The following KLC2 variants were observed in gnomAD, a reference collection of about 807,000 sequenced individuals.
KLC2 encodes kinesin light chain 2, also known as KLC 2.
A neutral mutation model predicts 75.1 loss-of-function variants in KLC2; 35 were observed. That is an observed-to-expected ratio of 0.47 (90% CI 0.36 to 0.62). KLC2 has a LOEUF of 0.62. Among genes scored for constraint, KLC2 ranks in the 20% least tolerant of loss-of-function variants. The pLI, the probability that KLC2 is intolerant of heterozygous loss-of-function variation, is 0.00. For missense variants in KLC2, 611 were observed against 833.2 expected (o/e 0.73, Z 3.28); for synonymous variants, 314 against 336.7 (o/e 0.93, Z 0.74).
the KLC2 span, among the ~76,000 whole-genome samples, chr11:66,251,138 T>C: frequency 1.3e-5 from 2 of 152,206 alleles, no homozygotes; most frequent in Admixed American, 6.5e-5. Context: ...TAGAGGGAAA[T>C]AGATAAATCT....
chr11:66,262,793 C>G (rs1856527393), intron 4 of KLC2, 21 bp from the exon 5 acceptor site: 2 of 1,582,300 alleles, frequency 1.3e-6, no homozygotes, highest in Admixed American at 1.7e-5. Context: ...TACATCTGAC[C>G]TCCTGCCCTT....
the KLC2 span, among the ~76,000 whole-genome samples, chr11:66,246,828 C>A: frequency 6.6e-6 from 1 of 152,184 alleles, no homozygotes; most frequent in Non-Finnish European, 1.5e-5. Context: ...AAATAATCAC[C>A]CGCTTGAGTC....
chr11:66,267,423 A>G lies in KLC2; in HGVS notation c.*467A>G, dbSNP rs1231540440. Reference sequence around the variant, plus strand: ...CTCCCCTCGTCCCTCTTCTAGTGGTACCGCCCAGGCCTTAATCACCCCCAT... The same window carrying G: ...CTCCCCTCGTCCCTCTTCTAGTGGTGCCGCCCAGGCCTTAATCACCCCCAT... On this transcript the variant is annotated 3_prime_UTR_variant, in exon 16 of 16. Coordinates refer to ENST00000394067, the MANE Select transcript of KLC2 (RefSeq NM_001318734.2). 1 of 717,176 alleles carries G rather than the reference A, an allele frequency of 1.4e-6. No homozygotes were observed. Among genetic ancestry groups the G allele is most frequent in the Admixed American group, 2.0e-5 (1 of 49,992 alleles). The allele number at this position is 717,176 out of a possible 1,614,324, so 44.4% of individuals were successfully genotyped here.
chr11:66,267,605 C>T lies in KLC2; in HGVS notation c.*649C>T, dbSNP rs971801800. Reference sequence around the variant, plus strand: ...GACGGGGACCTCCCCTTAGTCCGTCCTCCCACCGCCGGGCCCTGCCCCGCA... The same window carrying T: ...GACGGGGACCTCCCCTTAGTCCGTCTTCCCACCGCCGGGCCCTGCCCCGCA... On this transcript the variant is annotated 3_prime_UTR_variant, in exon 16 of 16. Transcript: ENST00000394067. The T allele has an allele frequency of 3.3e-6, 2 of 602,922 alleles. No individual in the cohort carries two copies. The highest frequency in any genetic ancestry group is 5.9e-6 in the Non-Finnish European group (2 of 336,164). The allele number at this position is 602,922 out of a possible 1,614,324, so 37.3% of individuals were successfully genotyped here. A position where few individuals can be genotyped will look rare whatever the true frequency, so the allele number is the denominator to read the frequency against.
chr11:66,248,258 T>TA, the KLC2 span, among the ~76,000 whole-genome samples: 1 of 152,206 alleles, frequency 6.6e-6, no homozygotes, highest in Admixed American at 6.5e-5. Flanking sequence ...CCCTTACTGT[T>TA]AACATGTTAC....
chr11:66,254,186 C>T (rs1284681449), upstream of KLC2, among the ~76,000 whole-genome samples: 8 of 152,108 alleles, frequency 5.3e-5, no homozygotes, highest in Admixed American at 1.3e-4. Flanking sequence ...TGCACCACTG[C>T]GCTCCTGCCT....
At chr11:66,249,818 C>T in the KLC2 span, among the ~76,000 whole-genome samples, 5 of 152,250 alleles carry the variant, frequency 3.3e-5, no homozygotes, top group East Asian at 9.7e-4. Context: ...CAGCCAGAAA[C>T]CCGGACTCAT....
At position 66,264,557 on chromosome 11, in the gene KLC2, G is replaced by T; in HGVS notation, c.1216+113G>T. ...AGGCCCTCAGGCTTTGGCCTGGCTG[G>T]TCACCAGCCTCACCCTCAGATGGTG... On this transcript the variant is annotated intron_variant, in intron 9 of 15. Coordinates refer to ENST00000394067, the MANE Select transcript of KLC2 (RefSeq NM_001318734.2). 3.8e-6 allele frequency: 3 copies of T among 792,790 alleles called. No homozygotes were observed. In the South Asian group the frequency reaches 4.6e-5, roughly 12 times the overall value. The allele number at this position is 792,790 out of a possible 1,614,324, so 49.1% of individuals were successfully genotyped here. A position where few individuals can be genotyped will look rare whatever the true frequency, so the allele number is the denominator to read the frequency against.
chr11:66,255,224 C>T (rs945414868), upstream of KLC2, among the ~76,000 whole-genome samples: 4 of 152,192 alleles, frequency 2.6e-5, no homozygotes, highest in Non-Finnish European at 5.9e-5. Context: ...CTGGCTTTGC[C>T]GCCCAGGCTG....
intron 14 of KLC2, 71 bp downstream of exon 14, chr11:66,266,288 G>A: frequency 6.5e-7 from 1 of 1,537,112 alleles, no homozygotes; most frequent in East Asian, 2.3e-5. Flanking sequence ...CCCAGAGTGT[G>A]CCCCACTGAC....
chr11:66,244,593 C>G, the KLC2 span: 4 of 152,368 alleles, frequency 2.6e-5, no homozygotes. Context: ...TTTTCTCATT[C>G]TCCATACCTC....
At chr11:66,262,703 T>G in intron 4 of KLC2, 111 bp from the exon 5 acceptor site, 1 of 740,792 alleles carries the variant, frequency 1.3e-6, no homozygotes, top group Non-Finnish European at 2.3e-6. Context: ...AAAGAGTGGT[T>G]AGTGACTTGC....
At position 66,263,910 on chromosome 11, in the gene KLC2, G is replaced by A. The variant is rs1470220119; in HGVS notation, c.900G>A (p.Glu300=). ...VLYGKRGKYK[E]AEPLCKRALE... is the part of the protein sequence containing the mutation. ...ATGGCAAGAGGGGCAAGTACAAGGA[G>A]GCTGAGCCATTGTGCAAGCGGGCAC... The change falls in exon 7 of 16, where the codon GAG becomes GAA. Residue 300 remains glutamate (E), a synonymous_variant. Coordinates refer to ENST00000394067, the MANE Select transcript of KLC2 (RefSeq NM_001318734.2). The A allele has an allele frequency of 6.2e-7, 1 of 1,614,104 alleles. No homozygotes were observed. The highest frequency in any genetic ancestry group is 1.7e-5 in the Admixed American group (1 of 60,008).
At chr11:66,259,223 GC>G in intron 2 of KLC2, among the ~76,000 whole-genome samples, 1 of 152,354 alleles carries the variant, frequency 6.6e-6, no homozygotes. Context: ...CAAGATTCCT[GC>G]CCTATTAGAG....
At chr11:66,265,278 G>A (rs761746743) in intron 11 of KLC2, 43 bp downstream of exon 11, 20 of 1,554,366 alleles carry the variant, frequency 1.3e-5, no homozygotes, top group Non-Finnish European at 1.6e-5. Flanking sequence ...GCACGGCAGG[G>A]CGGGCTCCAC....
At chr11:66,265,367 A>G (rs1314604767) in intron 11 of KLC2, 132 bp downstream of exon 11, 2 of 801,724 alleles carry the variant, frequency 2.5e-6, no homozygotes, top group South Asian at 1.7e-5. Flanking sequence ...ACCTGTCCCA[A>G]GAAGGCTCTG....
chr11:66,266,333 C>A, intron 14 of KLC2, 100 bp from the exon 15 acceptor site: 1 of 1,486,528 alleles, frequency 6.7e-7, no homozygotes, highest in Non-Finnish European at 9.2e-7. Context: ...CAGGCTCCAC[C>A]ACCCACCAGT....
chr11:66,255,518 G>A (rs1409570717), upstream of KLC2, among the ~76,000 whole-genome samples: 3 of 152,098 alleles, frequency 2.0e-5, no homozygotes, highest in Non-Finnish European at 2.9e-5. Flanking sequence ...TGGAAAATAA[G>A]GCCAATGTGA....
chr11:66,263,758 G>A lies in KLC2; in HGVS notation c.840+11G>A. ...AAGGACCACCCAGCCGTGAGTGAGG[G>A]TTGGGTGGGAGGTGGGGGCTGTGCC... is the stretch of plus-strand genomic sequence containing the variant. On this transcript the variant is annotated intron_variant, in intron 6 of 15. Coordinates refer to ENST00000394067, the MANE Select transcript of KLC2 (RefSeq NM_001318734.2). 6.2e-7 allele frequency: 1 copy of A among 1,612,540 alleles called. No individual in the cohort carries two copies. The highest frequency in any genetic ancestry group is 8.5e-7 in the Non-Finnish European group (1 of 1,178,526).
Sources: gnomAD v4.1 joint callset for allele counts (sites outside exome capture counted in the v4.1 genomes callset) on GRCh38, gnomAD v4.1.1 for gene constraint, MANE v1.5 for transcripts, NCBI Gene and HGNC (gene_info 2026-07-23, HGNC 2026-07-21) for gene names.